The following DAB1 variants were observed in gnomAD, a reference collection of about 807,000 sequenced individuals.
The protein encoded by DAB1 is disabled homolog 1.
Under a neutral mutation model 64.6 loss-of-function variants are expected in DAB1, and 15 were observed. The observed-to-expected ratio is 0.23, with a 90% CI of 0.16 to 0.36. DAB1 has a LOEUF of 0.36. Among genes scored for constraint, DAB1 ranks in the 10% least tolerant of loss-of-function variants. The pLI is 1.00. For missense variants in DAB1, 596 were observed against 706.7 expected (o/e 0.84, Z 1.78); for synonymous variants, 235 against 251.9 (o/e 0.93, Z 0.64).
At chr1:57,119,956 G>C (rs901599380) in intron 4 of DAB1, among the ~76,000 whole-genome samples, 16 of 152,140 alleles carry the variant, frequency 1.1e-4, no homozygotes, top group African/African-American at 3.1e-4. Context: ...TCCTTTATCA[G>C]CCTCTTTTTC....
At chr1:57,729,404 G>A (rs753115017) in intron 6 of DAB1, among the ~76,000 whole-genome samples, 2 of 152,180 alleles carry the variant, frequency 1.3e-5, no homozygotes, top group African/African-American at 2.4e-5. Context: ...CCCGCTGCCC[G>A]CCACATCCTC....
intron 1 of DAB1, among the ~76,000 whole-genome samples, chr1:57,857,249 A>C (rs1310157916): frequency 1.3e-5 from 2 of 152,242 alleles, no homozygotes; most frequent in African/African-American, 4.8e-5. Context: ...CACTTCTCAA[A>C]GTGCTGAGAA....
At chr1:57,459,609 A>AG (rs1686713119) in intron 7 of DAB1, among the ~76,000 whole-genome samples, 1 of 152,190 alleles carries the variant, frequency 6.6e-6, no homozygotes, top group Non-Finnish European at 1.5e-5. Flanking sequence ...TTGGACATTA[A>AG]ACTAGAAGAG....
At chr1:57,683,735 C>T (rs1037017687) in intron 6 of DAB1, among the ~76,000 whole-genome samples, 3 of 152,176 alleles carry the variant, frequency 2.0e-5, no homozygotes, top group Non-Finnish European at 4.4e-5. Context: ...TATCTCCTTA[C>T]CTCCAAATGA....
At chr1:57,060,121 A>ACATTTTT in intron 9 of DAB1, among the ~76,000 whole-genome samples, 2 of 72,346 alleles carry the variant, frequency 2.8e-5, no homozygotes, top group Non-Finnish European at 4.0e-5. Context: ...AGTCATTCAT[A>ACATTTTT]TATTTTTTAT....
At chr1:57,685,497 T>C (rs929591999) in intron 6 of DAB1, among the ~76,000 whole-genome samples, 1 of 152,048 alleles carries the variant, frequency 6.6e-6, no homozygotes, top group Non-Finnish European at 1.5e-5. Context: ...CAGTGTTAGA[T>C]CAACAAGGTA....
In DAB1 at chr1:57,398,177, T is replaced by TA. The variant is rs560900400; in HGVS notation, c.-137+25752dup. 7.9e-5 allele frequency among the ~76,000 whole-genome samples: 12 copies of TA among 152,346 alleles called. No individual in the cohort carries two copies. In the South Asian group the frequency reaches 2.5e-3, roughly 32 times the overall value. On this transcript the variant is annotated intron_variant, in intron 1 of 14. Coordinates refer to ENST00000371236, the MANE Select transcript of DAB1 (RefSeq NM_001365792.1). ...GAGTGCACCCTTTGAGCAAGGCCCATAGGCGGCAGAGAGAATTATAAAGTG... is the reference window on the plus strand; with the variant it reads ...GAGTGCACCCTTTGAGCAAGGCCCATAAGGCGGCAGAGAGAATTATAAAGTG...
chr1:57,687,181 T>C (rs1020604978), intron 6 of DAB1, among the ~76,000 whole-genome samples: 14 of 152,184 alleles, frequency 9.2e-5, no homozygotes, highest in African/African-American at 3.4e-4. Context: ...GAACTGATAA[T>C]TGACTGTAGT....
chr1:57,264,954 A>C (rs189740724), intron 2 of DAB1, among the ~76,000 whole-genome samples: 1 of 152,212 alleles, frequency 6.6e-6, no homozygotes, highest in Non-Finnish European at 1.5e-5. Context: ...CTGTAACCTC[A>C]TTTAATCCTC....
intron 6 of DAB1, among the ~76,000 whole-genome samples, chr1:57,750,857 T>C (rs1010382669): frequency 2.0e-5 from 3 of 152,182 alleles, no homozygotes; most frequent in African/African-American, 7.2e-5. Context: ...CTCAATAAAA[T>C]ATTGGATTCT....
intron 4 of DAB1, among the ~76,000 whole-genome samples, chr1:57,111,072 C>A (rs1655616411): frequency 6.6e-6 from 1 of 151,886 alleles, no homozygotes; most frequent in Non-Finnish European, 1.5e-5. Flanking sequence ...AAGATGAATT[C>A]TTTGGGCCGT....
intron 6 of DAB1, among the ~76,000 whole-genome samples, chr1:57,802,158 C>A (rs1651158391): frequency 6.6e-6 from 1 of 152,198 alleles, no homozygotes; most frequent in Non-Finnish European, 1.5e-5. Context: ...CACACCCATT[C>A]CTAAGAAAGA....
Position 58,440,349 on chromosome 1 carries a change from C to G in DAB1, n.257+65711G>C, listed in dbSNP as rs542742301. 2.0e-5 allele frequency among the ~76,000 whole-genome samples: 3 copies of G among 152,290 alleles called. No homozygotes were observed. In the East Asian group the frequency reaches 5.8e-4, roughly 29 times the overall value. The stretch of plus-strand genomic sequence containing the variant: ...ATGCCTAGCTCATAGCTTAAAGGAA[C>G]AGTTCAACGAGCAGGAGGGCCATAT... On this transcript the variant is annotated intron_variant and non_coding_transcript_variant, in intron 3 of 20. Coordinates refer to the DAB1 transcript ENST00000485760.
In DAB1 at chr1:57,681,209, C is replaced by CTCCAATCT. The variant is rs1646632699; in HGVS notation, n.552-31552_552-31545dup. On this transcript the variant is annotated intron_variant and non_coding_transcript_variant, in intron 6 of 20. Transcript: ENST00000485760. Reference sequence around the variant, plus strand: ...CATTCCTTGACTTGCAGCTACATAACTCCAATCTCTGCCTTCATCGTCACA... The same window carrying CTCCAATCT: ...CATTCCTTGACTTGCAGCTACATAACTCCAATCTTCCAATCTCTGCCTTCATCGTCACA... Among the ~76,000 whole-genome samples, 4 of 152,326 alleles carry CTCCAATCT rather than the reference C, an allele frequency of 2.6e-5. No homozygotes were observed. The South Asian group carries it at 8.3e-4, about 32-fold the overall frequency.
intron 7 of DAB1, among the ~76,000 whole-genome samples, chr1:57,561,960 G>A (rs932793234): frequency 7.9e-5 from 12 of 152,318 alleles, no homozygotes; most frequent in Admixed American, 4.6e-4. Context: ...TGGGTTTGCC[G>A]ATCCCACATG....
chr1:57,081,684 C>G (rs1381004507), intron 4 of DAB1, among the ~76,000 whole-genome samples: 1 of 152,084 alleles, frequency 6.6e-6, no homozygotes, highest in Admixed American at 6.5e-5. Context: ...CTACCTTAGA[C>G]AGGAGGAAAC....
chr1:58,003,662 A>G (rs1373468865), intron 5 of DAB1, among the ~76,000 whole-genome samples: 1 of 152,078 alleles, frequency 6.6e-6, no homozygotes, highest in African/African-American at 2.4e-5. Context: ...TTCAACTTAG[A>G]TTGAAAGTCC....
intron 5 of DAB1, among the ~76,000 whole-genome samples, chr1:57,974,972 C>T (rs1366059448): frequency 6.6e-6 from 1 of 152,142 alleles, no homozygotes; most frequent in African/African-American, 2.4e-5. Context: ...TTTAAAAAAA[C>T]TCACAGCCTA....
intron 14 of DAB1, among the ~76,000 whole-genome samples, chr1:57,010,156 A>G (rs982333861): frequency 1.3e-5 from 2 of 152,150 alleles, no homozygotes; most frequent in Admixed American, 6.5e-5. Context: ...AGATCTGCAG[A>G]CTGTAGGCAA....
Sources: allele counts gnomAD v4.1 joint callset (sites outside exome capture counted in the v4.1 genomes callset), GRCh38; gene constraint gnomAD v4.1.1; transcripts MANE v1.5; gene names NCBI Gene and HGNC (gene_info 2026-07-23, HGNC 2026-07-21).